Variants in CD9 observed in about 807,000 individuals in gnomAD.
CD9 encodes CD9 molecule.
CD9 carries 10 observed loss-of-function variants against 31.4 expected under a neutral mutation model. The observed-to-expected ratio is 0.32, with a 90% CI of 0.20 to 0.54. The LOEUF is 0.54. CD9 is among the 20% of genes least tolerant of loss of function. CD9 has a pLI of 0.94. For missense variants in CD9, 259 were observed against 300.1 expected (o/e 0.86, Z 1.01); for synonymous variants, 113 against 114.1 (o/e 0.99, Z 0.06).
chr12:6,231,828 A>G (rs1591979236), intron 2 of CD9, among the ~76,000 whole-genome samples: 1 of 152,190 alleles, frequency 6.6e-6, no homozygotes. Flanking sequence ...GACTGTTAAG[A>G]TCTTGTTAGC....
chr12:6,222,652 T>C (rs746916324), intron 1 of CD9, among the ~76,000 whole-genome samples: 1 of 152,216 alleles, frequency 6.6e-6, no homozygotes, highest in African/African-American at 2.4e-5. Context: ...TCTTACCACC[T>C]GTGCACAGAG....
chr12:6,219,554 C>T (rs1210380918), intron 1 of CD9, among the ~76,000 whole-genome samples: 3 of 151,676 alleles, frequency 2.0e-5, no homozygotes, highest in Non-Finnish European at 2.9e-5. Flanking sequence ...GGCGTGATCT[C>T]GGCTCACTGC....
At chr12:6,214,176 A>T (rs1946219695) in intron 1 of CD9, among the ~76,000 whole-genome samples, 1 of 152,016 alleles carries the variant, frequency 6.6e-6, no homozygotes. Flanking sequence ...AGCCTGATTC[A>T]TCCATAAAAT....
At chr12:6,233,613 G>A (rs1259873094) in intron 4 of CD9, 127 bp downstream of exon 4, 34 of 721,454 alleles carry the variant, frequency 4.7e-5, no homozygotes, top group East Asian at 3.6e-4. Context: ...TTATCTCATC[G>A]CGTCCCTGTG....
chr12:6,211,432 C>T (rs1946193065), intron 1 of CD9, among the ~76,000 whole-genome samples: 3 of 152,284 alleles, frequency 2.0e-5, no homozygotes, highest in African/African-American at 7.2e-5. Context: ...GCAGGAGGGC[C>T]GTTCCACCAA....
rs1262305733 is a variant in CD9 at position 6,237,849 on chromosome 12, C to T, written c.*21C>T. On this transcript the variant is annotated 3_prime_UTR_variant, in exon 8 of 8. Transcript: ENST00000009180. ...TCTAGAGTCAGCTTACATCCCTGAGCAGGAAAGTTTACCCATGAAGATTGG... is the reference window on the plus strand; with the variant it reads ...TCTAGAGTCAGCTTACATCCCTGAGTAGGAAAGTTTACCCATGAAGATTGG... 2 of 1,580,310 alleles carry T rather than the reference C, an allele frequency of 1.3e-6. No individual in the cohort carries two copies. The highest frequency in any genetic ancestry group is 2.2e-5 in the East Asian group (1 of 44,686).
At chr12:6,236,510 C>T (rs1268648396) in intron 7 of CD9, 5 of 566,134 alleles carry the variant, frequency 8.8e-6, no homozygotes, top group Admixed American at 3.3e-5. Flanking sequence ...TCTAAAGAGT[C>T]GACTCTCTTA....
At chr12:6,235,110 C>T in intron 4 of CD9, 119 bp from the exon 5 acceptor site, 1 of 779,220 alleles carries the variant, frequency 1.3e-6, no homozygotes, top group Non-Finnish European at 2.2e-6. Flanking sequence ...TGACGTTGTC[C>T]AAGCACAGGC....
At chr12:6,205,599 G>A (rs1946122199) in intron 1 of CD9, among the ~76,000 whole-genome samples, 1 of 152,154 alleles carries the variant, frequency 6.6e-6, no homozygotes, top group Non-Finnish European at 1.5e-5. Flanking sequence ...TAGATCCTGT[G>A]TTTGTTTTGT....
intron 7 of CD9, among the ~76,000 whole-genome samples, chr12:6,237,228 G>A (rs571960675): frequency 6.6e-6 from 1 of 152,244 alleles, no homozygotes; most frequent in African/African-American, 2.4e-5. Flanking sequence ...GCCTGCCTTG[G>A]CCTCCCAAAG....
chr12:6,233,103 C>A, intron 3 of CD9: 1 of 700,624 alleles, frequency 1.4e-6, no homozygotes, highest in Non-Finnish European at 2.6e-6. Flanking sequence ...AATCTCTTGT[C>A]TTTTGTGAAC....
chr12:6,210,247 CACTGA>C (rs1946180291), intron 1 of CD9, among the ~76,000 whole-genome samples: 1 of 152,186 alleles, frequency 6.6e-6, no homozygotes, highest in Non-Finnish European at 1.5e-5. Context: ...GGACCATGGC[CACTGA>C]ACGGGCTGCG....
At chr12:6,225,891 T>C (rs900082534) in intron 2 of CD9, among the ~76,000 whole-genome samples, 2 of 152,094 alleles carry the variant, frequency 1.3e-5, no homozygotes, top group Non-Finnish European at 2.9e-5. Context: ...ATTTCCTTAA[T>C]TCAAAAAGCT....
chr12:6,208,492 T>C (rs1245484865), intron 1 of CD9, among the ~76,000 whole-genome samples: 1 of 152,172 alleles, frequency 6.6e-6, no homozygotes, highest in Non-Finnish European at 1.5e-5. Context: ...ATAAAGTTAA[T>C]CAGGCAGTTT....
At chr12:6,214,329 C>T (rs765328147) in intron 1 of CD9, among the ~76,000 whole-genome samples, 8 of 146,502 alleles carry the variant, frequency 5.5e-5, no homozygotes, top group Non-Finnish European at 7.5e-5. Context: ...CAACCTGCAA[C>T]TTGACCATTA....
chr12:6,235,053 C>T (rs1946497275), intron 4 of CD9, among the ~76,000 whole-genome samples, 176 bp from the exon 5 acceptor site: 1 of 152,126 alleles, frequency 6.6e-6, no homozygotes. Flanking sequence ...TGGGAAGTGC[C>T]CAAAGGCCCT....
chr12:6,232,777 A>G lies in CD9; in HGVS notation c.273+48A>G, dbSNP rs944077619. On this transcript the variant is annotated intron_variant, in intron 3 of 7. Coordinates refer to ENST00000009180, the MANE Select transcript of CD9 (RefSeq NM_001769.4). This position sits in a 1 kb window ranked among gnomAD's most constrained non-coding sequence, Gnocchi z 4.8. ...CACAGCCACCCTGACTCCCACCAAC[A>G]AAAACCTCAGCAGGCCCAGACCCAG... 7 of 1,283,216 alleles carry G rather than the reference A, an allele frequency of 5.5e-6. No homozygotes were observed. Among genetic ancestry groups the G allele is most frequent in the Non-Finnish European group, 7.6e-6 (7 of 916,288 alleles). 79.5% of individuals were successfully genotyped at this position (1,283,216 alleles called of 1,614,324 possible). A position where few individuals can be genotyped will look rare whatever the true frequency, so the allele number is the denominator to read the frequency against.
At chr12:6,231,754 G>A (rs898511177) in intron 2 of CD9, among the ~76,000 whole-genome samples, 2 of 152,198 alleles carry the variant, frequency 1.3e-5, no homozygotes, top group Admixed American at 6.5e-5. Context: ...TAGTAATGGT[G>A]TCACTCATCC....
intron 2 of CD9, among the ~76,000 whole-genome samples, chr12:6,229,090 G>A (rs80324519): frequency 1.6e-4 from 24 of 152,364 alleles, no homozygotes; most frequent in African/African-American, 5.3e-4. Context: ...GATTCAGCCC[G>A]TCAGCAAGAT....
Sources: gnomAD v4.1 joint callset for allele counts (sites outside exome capture counted in the v4.1 genomes callset) on GRCh38, gnomAD v4.1.1 for gene constraint, Gnocchi (gnomAD v3.1) non-coding constraint, MANE v1.5 for transcripts, NCBI Gene and HGNC (gene_info 2026-07-23, HGNC 2026-07-21) for gene names.